Variants in MYT1L observed in about 807,000 individuals in gnomAD.
The protein encoded by MYT1L is myelin transcription factor 1-like protein.
Under a neutral mutation model 126.7 loss-of-function variants are expected in MYT1L, and 12 were observed. The ratio of observed to expected loss-of-function variants is 0.09; its 90% CI spans 0.06 to 0.15. The LOEUF (loss-of-function observed/expected upper bound fraction) is 0.15, where lower values mean the gene tolerates loss of function less well. MYT1L is among the 10% of genes least tolerant of loss of function. The pLI, the probability that MYT1L is intolerant of heterozygous loss-of-function variation, is 1.00. For missense variants in MYT1L, 979 were observed against 1,585.2 expected, an observed-to-expected ratio of 0.62 and a Z score of 6.49; for synonymous variants, 541 against 604.2, an observed-to-expected ratio of 0.90 and a Z score of 1.53.
chr2:1,885,177 T>C (rs2048017392), intron 18 of MYT1L: 1 of 152,280 alleles, frequency 6.6e-6, no homozygotes, highest in South Asian at 2.1e-4. Flanking sequence ...TTCTGATGTA[T>C]TGGCCAAGTT....
rs1247637174 is a variant in MYT1L, at chr2:1,794,369, G to C, written c.3277-1905C>G. 2.0e-5 allele frequency among the ~76,000 whole-genome samples: 3 copies of C among 152,200 alleles called. No individual in the cohort carries two copies. The South Asian group carries it at 6.2e-4, about 32-fold the overall frequency. The stretch of plus-strand genomic sequence containing the variant: ...CCACTATCCTAGCCAGGCAAAGTGT[G>C]GGCTCTTTTTCTGGAAAATGGGAAT... On this transcript the variant is annotated intron_variant, in intron 23 of 24. Coordinates refer to ENST00000647738, the MANE Select transcript of MYT1L (RefSeq NM_001303052.2).
At chr2:1,846,450 T>C (rs1444890015) in intron 19 of MYT1L, among the ~76,000 whole-genome samples, 1 of 152,160 alleles carries the variant, frequency 6.6e-6, no homozygotes, top group East Asian at 1.9e-4. Context: ...TGGAACTTTG[T>C]AAACGATGGA....
In MYT1L at chr2:1,950,423, T is replaced by C. The variant is rs1207212234; in HGVS notation, c.153-7089A>G. 2.6e-5 allele frequency among the ~76,000 whole-genome samples: 4 copies of C among 152,164 alleles called. No homozygotes were observed. The East Asian group carries it at 7.7e-4, about 29-fold the overall frequency. On this transcript the variant is annotated intron_variant, in intron 8 of 24. Transcript: ENST00000647738. ...ATGTCACTGAGCAATACAGACCTAC[T>C]CCCAACCTCATGGGACACCGAGACA...
chr2:1,819,898 G>A (rs2038257623), intron 21 of MYT1L, among the ~76,000 whole-genome samples: 1 of 152,178 alleles, frequency 6.6e-6, no homozygotes, highest in Non-Finnish European at 1.5e-5. Context: ...CCTTACAGAG[G>A]AGAATGGATT....
intron 21 of MYT1L, chr2:1,824,953 A>C (rs2039092742): frequency 6.6e-6 from 1 of 152,346 alleles, no homozygotes; most frequent in East Asian, 1.9e-4. Context: ...TAGATTTGGA[A>C]GGATGCATCC....
intron 13 of MYT1L, among the ~76,000 whole-genome samples, chr2:1,904,274 C>T (rs1037451478): frequency 2.4e-4 from 37 of 152,168 alleles, no homozygotes; most frequent in African/African-American, 7.2e-4. Flanking sequence ...TCCTCCCCCT[C>T]GACAGCTCCT....
rs187240379 is a variant in MYT1L, at chr2:1,913,977, C to T, written c.1619-1867G>A. On this transcript the variant is annotated intron_variant, in intron 11 of 24. Transcript: ENST00000647738. ...GAGGCTTTTACTCAAGAAACCCTTCCGGGCGTGGTGGCTCACACCTGTAAT... is the reference window on the plus strand; with the variant it reads ...GAGGCTTTTACTCAAGAAACCCTTCTGGGCGTGGTGGCTCACACCTGTAAT... Among the ~76,000 whole-genome samples the T allele has an allele frequency of 4.6e-5, 7 of 152,252 alleles. No homozygotes were observed. In the East Asian group the frequency reaches 7.8e-4, roughly 17 times the overall value.
intron 3 of MYT1L, among the ~76,000 whole-genome samples, chr2:2,108,797 T>A (rs1441668648): frequency 6.6e-6 from 1 of 152,234 alleles, no homozygotes; most frequent in African/African-American, 2.4e-5. Flanking sequence ...TTTTTTTCTT[T>A]TTCGATGTGG....
chr2:1,858,897 C>T (rs2044237487), intron 18 of MYT1L, among the ~76,000 whole-genome samples: 1 of 152,360 alleles, frequency 6.6e-6, no homozygotes, highest in East Asian at 1.9e-4. Context: ...CCCCCATAGG[C>T]ACCTCAGCCT....
chr2:1,880,800 G>A (rs886988069), intron 18 of MYT1L, among the ~76,000 whole-genome samples: 4 of 152,212 alleles, frequency 2.6e-5, no homozygotes, highest in Non-Finnish European at 5.9e-5. Context: ...GAAAAGCAGA[G>A]CATCTTGGCC....
intron 3 of MYT1L, among the ~76,000 whole-genome samples, chr2:2,078,024 T>C (rs940925916): frequency 1.2e-4 from 18 of 152,314 alleles, no homozygotes; most frequent in African/African-American, 4.1e-4. Context: ...AGAAGTAATT[T>C]GTATAGCAAT....
intron 18 of MYT1L, among the ~76,000 whole-genome samples, chr2:1,855,047 G>A (rs780756747): frequency 6.6e-6 from 1 of 152,162 alleles, no homozygotes; most frequent in Non-Finnish European, 1.5e-5. Flanking sequence ...CTTTTCAAGG[G>A]TTCCTCCTTC....
intron 8 of MYT1L, among the ~76,000 whole-genome samples, chr2:1,975,070 A>T (rs2060064791): frequency 6.6e-6 from 1 of 152,156 alleles, no homozygotes; most frequent in Non-Finnish European, 1.5e-5. Context: ...TTAAATCATA[A>T]ACTCCTTTTT....
At chr2:2,093,594 C>G (rs190880346) in intron 3 of MYT1L, among the ~76,000 whole-genome samples, 1 of 152,010 alleles carries the variant, frequency 6.6e-6, no homozygotes, top group African/African-American at 2.4e-5. Flanking sequence ...ATATTAGCCC[C>G]TTGTCAGATG....
chr2:2,018,184 CT>C (rs1415891777), intron 4 of MYT1L, among the ~76,000 whole-genome samples: 2 of 152,198 alleles, frequency 1.3e-5, no homozygotes, highest in Admixed American at 1.3e-4. Context: ...TTTTCTTTCT[CT>C]TTTCCTCACT....
At chr2:2,238,849 G>A (rs1232812102) in intron 2 of MYT1L, among the ~76,000 whole-genome samples, 1 of 152,192 alleles carries the variant, frequency 6.6e-6, no homozygotes, top group Non-Finnish European at 1.5e-5. Context: ...CCCCATAGCT[G>A]TACACGTCCC....
intron 18 of MYT1L, among the ~76,000 whole-genome samples, chr2:1,869,885 C>T (rs917321943): frequency 7.2e-5 from 11 of 152,212 alleles, no homozygotes; most frequent in Non-Finnish European, 1.2e-4. Flanking sequence ...CTATACCACA[C>T]AGATCTCCAA....
intron 3 of MYT1L, among the ~76,000 whole-genome samples, chr2:2,137,822 A>C (rs966189080): frequency 6.6e-6 from 1 of 152,228 alleles, no homozygotes. Flanking sequence ...TGGTAACAAA[A>C]GCCACAATTG....
intron 21 of MYT1L, among the ~76,000 whole-genome samples, chr2:1,815,821 C>T (rs1017471817): frequency 2.0e-5 from 3 of 152,168 alleles, no homozygotes; most frequent in African/African-American, 7.2e-5. Flanking sequence ...TATTTTTTGT[C>T]TCTTCTTAGC....
Sources: allele counts gnomAD v4.1 joint callset (sites outside exome capture counted in the v4.1 genomes callset), GRCh38; gene constraint gnomAD v4.1.1; transcripts MANE v1.5; gene names NCBI Gene and HGNC (gene_info 2026-07-23, HGNC 2026-07-21).